RYR3: variants seen among roughly 807,000 people sequenced by gnomAD.
RYR3 encodes brain ryanodine receptor-calcium release channel.
In RYR3, 207 loss-of-function variants were observed where a neutral mutation model predicts 584.3. The ratio of observed to expected loss-of-function variants is 0.35; its 90% CI spans 0.32 to 0.40. The LOEUF (loss-of-function observed/expected upper bound fraction) is 0.40, where lower values mean the gene tolerates loss of function less well. Among genes scored for constraint, RYR3 ranks in the 10% least tolerant of loss-of-function variants. The pLI is 1.00. For synonymous variants in RYR3, 2,416 were observed against 2,248.5 expected, an observed-to-expected ratio of 1.07 and a Z score of -2.11; for missense variants, 5,616 against 6,089.2, an observed-to-expected ratio of 0.92 and a Z score of 2.59.
chr15:33,645,707 A>G (rs1241413308), intron 28 of RYR3, among the ~76,000 whole-genome samples: 5 of 152,174 alleles, frequency 3.3e-5, no homozygotes, highest in Non-Finnish European at 5.9e-5. Context: ...CTTCCCTTGT[A>G]TCCCCCCATT....
intron 86 of RYR3, among the ~76,000 whole-genome samples, chr15:33,832,220 G>A (rs552791390): frequency 6.6e-6 from 1 of 150,916 alleles, no homozygotes; most frequent in East Asian, 2.0e-4. Context: ...CTTGAACCCG[G>A]GAGGCAGAGC....
intron 1 of RYR3, among the ~76,000 whole-genome samples, chr15:33,386,439 G>C (rs1315088755): frequency 6.6e-6 from 1 of 152,156 alleles, no homozygotes; most frequent in Non-Finnish European, 1.5e-5. Context: ...CCATGAGCTG[G>C]TGCACTCAAA....
At chr15:33,825,796 G>A (rs952405666) in intron 82 of RYR3, 120 bp downstream of exon 82, 12 of 609,382 alleles carry the variant, frequency 2.0e-5, no homozygotes, top group Admixed American at 1.0e-4. Flanking sequence ...GCAGTGGCGC[G>A]ATCTCACCTC....
chr15:33,543,854 C>T (rs3816092), intron 8 of RYR3, 139 bp downstream of exon 8: 50,596 of 687,308 alleles, frequency 0.074, 6,572 homozygotes, highest in African/African-American at 0.45. Flanking sequence ...CCATGGGTTC[C>T]GGTTTGTAAA....
chr15:33,640,783 T>C (rs975755909), intron 27 of RYR3, among the ~76,000 whole-genome samples: 2 of 152,180 alleles, frequency 1.3e-5, no homozygotes, highest in Non-Finnish European at 2.9e-5. Flanking sequence ...GACTGTGCCT[T>C]TTGCAAATTT....
intron 37 of RYR3, among the ~76,000 whole-genome samples, chr15:33,670,066 ACTT>A (rs764422873): frequency 1.3e-5 from 2 of 152,142 alleles, no homozygotes; most frequent in African/African-American, 2.4e-5. Flanking sequence ...CTCATTGTTA[ACTT>A]CTTCTACAGA....
At chr15:33,820,349 C>T (rs1054397809) in intron 77 of RYR3, among the ~76,000 whole-genome samples, 2 of 152,198 alleles carry the variant, frequency 1.3e-5, no homozygotes, top group African/African-American at 2.4e-5. Flanking sequence ...TGGGAAGAGG[C>T]GCTTTAGGAT....
chr15:33,796,078 C>T (rs1247203606), intron 67 of RYR3, among the ~76,000 whole-genome samples: 1 of 152,104 alleles, frequency 6.6e-6, no homozygotes, highest in Non-Finnish European at 1.5e-5. Context: ...AGCGTGGCTT[C>T]CTTTTCTTTC....
chr15:33,443,916 A>G (rs928523812), intron 1 of RYR3, among the ~76,000 whole-genome samples: 13 of 152,168 alleles, frequency 8.5e-5, no homozygotes, highest in Admixed American at 8.5e-4. Context: ...CAGCTTGAAA[A>G]TCTATTGCAT....
intron 100 of RYR3, among the ~76,000 whole-genome samples, chr15:33,860,225 G>GTAAC (rs995342911): frequency 1.6e-4 from 24 of 152,354 alleles, no homozygotes; most frequent in Non-Finnish European, 3.1e-4. Flanking sequence ...AAGAAGTGAA[G>GTAAC]TAACTGAGGA....
At chr15:33,402,933 G>A (rs1183431372) in intron 1 of RYR3, among the ~76,000 whole-genome samples, 1 of 152,226 alleles carries the variant, frequency 6.6e-6, no homozygotes, top group Non-Finnish European at 1.5e-5. Context: ...ATGTGGATGG[G>A]CAGTGCCTGC....
intron 1 of RYR3, among the ~76,000 whole-genome samples, chr15:33,368,639 T>C (rs1975858673): frequency 6.6e-6 from 1 of 152,120 alleles, no homozygotes; most frequent in African/African-American, 2.4e-5. Context: ...GCTTGTACCT[T>C]TCTGGGTGAG....
chr15:33,846,510 TCTTC>T (rs2078733895), intron 93 of RYR3, among the ~76,000 whole-genome samples: 1 of 152,246 alleles, frequency 6.6e-6, no homozygotes, highest in Non-Finnish European at 1.5e-5. Context: ...TACATTTTTT[TCTTC>T]CTTCTCTTGA....
chr15:33,836,649 C>G (rs984164135), intron 87 of RYR3, among the ~76,000 whole-genome samples: 3 of 152,164 alleles, frequency 2.0e-5, no homozygotes, highest in Non-Finnish European at 4.4e-5. Flanking sequence ...TTGGACAACA[C>G]TTGGTATATC....
chr15:33,454,268 G>A (rs2047363947), intron 1 of RYR3, among the ~76,000 whole-genome samples: 1 of 152,212 alleles, frequency 6.6e-6, no homozygotes, highest in Non-Finnish European at 1.5e-5. Flanking sequence ...GGCCAGAGGA[G>A]GCAGTTAAGG....
intron 65 of RYR3, among the ~76,000 whole-genome samples, chr15:33,782,531 G>A (rs574576447): frequency 2.0e-5 from 3 of 152,252 alleles, no homozygotes; most frequent in East Asian, 1.9e-4. Flanking sequence ...GATGCTGACC[G>A]TGTATATGGC....
intron 57 of RYR3, among the ~76,000 whole-genome samples, chr15:33,750,770 C>T (rs922030887): frequency 2.0e-5 from 3 of 152,108 alleles, no homozygotes; most frequent in Admixed American, 6.5e-5. Context: ...ATGTGCAGAA[C>T]GTGCAGGTTT....
intron 2 of RYR3, among the ~76,000 whole-genome samples, chr15:33,492,873 T>C (rs2051091752): frequency 6.6e-6 from 1 of 152,142 alleles, no homozygotes; most frequent in African/African-American, 2.4e-5. Flanking sequence ...TGTCATGCAA[T>C]GAAAAGGCCA....
intron 1 of RYR3, among the ~76,000 whole-genome samples, chr15:33,351,460 A>C (rs1281777929): frequency 6.6e-6 from 1 of 151,318 alleles, no homozygotes; most frequent in Non-Finnish European, 1.5e-5. Flanking sequence ...CAACCAAAAA[A>C]GAGAATTTTA....
Sources: allele counts gnomAD v4.1 joint callset (sites outside exome capture counted in the v4.1 genomes callset), GRCh38; gene constraint gnomAD v4.1.1; transcripts MANE v1.5; gene names NCBI Gene and HGNC (gene_info 2026-07-23, HGNC 2026-07-21).